The following RIMS2 variants were observed in gnomAD, a reference collection of about 807,000 sequenced individuals.
RIMS2 encodes regulating synaptic membrane exocytosis protein 2.
RIMS2 carries 59 observed loss-of-function variants against 174.4 expected under a neutral mutation model. That is an observed-to-expected ratio of 0.34 (90% CI 0.27 to 0.42). The LOEUF (loss-of-function observed/expected upper bound fraction) is 0.42. Ranked by LOEUF, RIMS2 falls within the 10% of genes least tolerant of loss-of-function variation. The pLI is 1.00. For synonymous variants in RIMS2, 606 were observed against 572.5 expected (o/e 1.06, Z -0.84); for missense variants, 1,620 against 1,666.3 (o/e 0.97, Z 0.48).
At chr8:103,898,119 T>C (rs1164526922) in intron 4 of RIMS2, among the ~76,000 whole-genome samples, 1 of 151,662 alleles carries the variant, frequency 6.6e-6, no homozygotes, top group East Asian at 1.9e-4. Flanking sequence ...TCTCTAAAAA[T>C]TTCTCTGGTG....
intron 19 of RIMS2, among the ~76,000 whole-genome samples, chr8:104,025,004 A>G (rs544353108): frequency 5.3e-5 from 8 of 152,328 alleles, no homozygotes; most frequent in African/African-American, 7.2e-5. Flanking sequence ...ACAAATCTTC[A>G]TAGAAAGCAA....
At chr8:103,635,022 G>T (rs1456761948) in intron 1 of RIMS2, among the ~76,000 whole-genome samples, 2 of 152,058 alleles carry the variant, frequency 1.3e-5, no homozygotes, top group Non-Finnish European at 2.9e-5. Flanking sequence ...TACATTCAAG[G>T]TTAGTATTGC....
At chr8:104,119,578 T>C (rs2098339469) in intron 19 of RIMS2, among the ~76,000 whole-genome samples, 1 of 152,214 alleles carries the variant, frequency 6.6e-6, no homozygotes, top group Non-Finnish European at 1.5e-5. Flanking sequence ...AAAATTATTA[T>C]TTTTAAGTCA....
At chr8:103,625,963 G>A (rs547228156) in intron 1 of RIMS2, among the ~76,000 whole-genome samples, 2 of 151,554 alleles carry the variant, frequency 1.3e-5, no homozygotes, top group South Asian at 4.2e-4. Context: ...TTTCTCAATA[G>A]GGTATGAACT....
chr8:103,559,313 A>G, intron 1 of RIMS2: 1 of 203,210 alleles, frequency 4.9e-6, no homozygotes, highest in Non-Finnish European at 1.0e-5. Flanking sequence ...CATCTCTTCC[A>G]TTTTCTGCCT....
intron 1 of RIMS2, among the ~76,000 whole-genome samples, chr8:103,624,451 C>T (rs191394444): frequency 1.3e-5 from 2 of 152,160 alleles, no homozygotes; most frequent in African/African-American, 2.4e-5. Flanking sequence ...TTTCCTAGCT[C>T]GCAAATGGCA....
intron 14 of RIMS2, among the ~76,000 whole-genome samples, chr8:103,953,579 C>G (rs1383010095): frequency 6.6e-6 from 1 of 152,086 alleles, no homozygotes; most frequent in African/African-American, 2.4e-5. Flanking sequence ...CCAGGCCTGT[C>G]CTACGAGAGC....
chr8:103,527,128 C>T (rs189515567), intron 1 of RIMS2, among the ~76,000 whole-genome samples: 8 of 152,106 alleles, frequency 5.3e-5, no homozygotes, highest in East Asian at 3.9e-4. Flanking sequence ...AAGAAAAAAC[C>T]GCACAGTTAG....
At chr8:103,608,716 A>G (rs2469971) in intron 1 of RIMS2, among the ~76,000 whole-genome samples, 121,178 of 150,212 alleles carry the variant, frequency 0.81, 49,279 homozygotes, top group African/African-American at 0.92. Context: ...TAAGCCCTTC[A>G]GAAAAGCGCA....
At chr8:103,726,166 A>G (rs2097525483) in intron 2 of RIMS2, among the ~76,000 whole-genome samples, 1 of 152,176 alleles carries the variant, frequency 6.6e-6, no homozygotes, top group South Asian at 2.1e-4. Context: ...TTGACTTATG[A>G]TGGAGTTACA....
At chr8:104,071,592 G>A (rs2097196228) in intron 19 of RIMS2, among the ~76,000 whole-genome samples, 1 of 152,252 alleles carries the variant, frequency 6.6e-6, no homozygotes, top group East Asian at 1.9e-4. Flanking sequence ...GCGCCACCAT[G>A]CCCAGCCAAT....
rs150651419 is a variant in RIMS2 at position 104,193,448 on chromosome 8, C to T, written c.3335-51468C>T. Among the ~76,000 whole-genome samples the T allele has an allele frequency of 2.8e-3, 420 of 152,218 alleles. 1 individual carries two copies. The highest frequency in any genetic ancestry group is 9.8e-3 in the African/African-American group (409 of 41,532). ...ATCTTCATATATCTCTCCTTATGAG[C>T]CTGGGTGAGAATGTCTTTTGGATTT... On this transcript the variant is annotated intron_variant, in intron 19 of 23. Transcript: ENST00000504942.
At chr8:104,234,676 T>A (rs2099249636) in intron 19 of RIMS2, among the ~76,000 whole-genome samples, 1 of 152,076 alleles carries the variant, frequency 6.6e-6, no homozygotes, top group African/African-American at 2.4e-5. Context: ...TGGAAAAAAA[T>A]ATAATTATCT....
chr8:103,668,223 A>G (rs2096699070), intron 1 of RIMS2, among the ~76,000 whole-genome samples: 1 of 152,228 alleles, frequency 6.6e-6, no homozygotes, highest in African/African-American at 2.4e-5. Flanking sequence ...ATCTTTGACC[A>G]AGGCAACCTA....
Position 104,068,110 on chromosome 8 carries a change from G to A in RIMS2, c.3334+53495G>A, listed in dbSNP as rs76418992. On this transcript the variant is annotated intron_variant, in intron 19 of 23. Transcript: ENST00000504942. ...TAAATGCAGTTCTAAAATTGTATTT[G>A]AAAGCAACTTATAACTTTAATACCT... Among the ~76,000 whole-genome samples the A allele has an allele frequency of 8.0e-3, 1,218 of 152,210 alleles. 25 individuals carry two copies. The highest frequency in any genetic ancestry group is 0.028 in the African/African-American group (1,154 of 41,550).
At chr8:103,681,913 T>C (rs993477508) in intron 1 of RIMS2, among the ~76,000 whole-genome samples, 1 of 151,980 alleles carries the variant, frequency 6.6e-6, no homozygotes, top group Non-Finnish European at 1.5e-5. Context: ...TGGCAGCATA[T>C]AATGGAGACA....
intron 2 of RIMS2, among the ~76,000 whole-genome samples, chr8:103,758,453 T>C (rs1175244748): frequency 6.6e-6 from 1 of 152,182 alleles, no homozygotes; most frequent in African/African-American, 2.4e-5. Flanking sequence ...AGCCTACAGC[T>C]TCTAGGAAGC....
At chr8:103,642,702 T>C (rs900953097) in intron 1 of RIMS2, among the ~76,000 whole-genome samples, 2 of 151,988 alleles carry the variant, frequency 1.3e-5, no homozygotes, top group African/African-American at 4.8e-5. Flanking sequence ...TGTAGACCTA[T>C]AGGTTGGTTG....
intron 19 of RIMS2, among the ~76,000 whole-genome samples, chr8:104,227,713 C>T (rs1426050907): frequency 1.3e-5 from 2 of 151,982 alleles, no homozygotes; most frequent in East Asian, 3.8e-4. Flanking sequence ...TGAATTTGGC[C>T]TGCCTGATTT....
Sources: gnomAD v4.1 joint callset for allele counts (sites outside exome capture counted in the v4.1 genomes callset) on GRCh38, gnomAD v4.1.1 for gene constraint, MANE v1.5 for transcripts, NCBI Gene and HGNC (gene_info 2026-07-23, HGNC 2026-07-21) for gene names.